The following SUPT3H variants were observed in gnomAD, a reference collection of about 807,000 sequenced individuals.
The protein encoded by SUPT3H is SPT3 homolog, SAGA and STAGA complex component, also known as transcription initiation protein SPT3 homolog.
SUPT3H carries 44 observed loss-of-function variants against 44.3 expected under a neutral mutation model. That is an observed-to-expected ratio of 0.99 (90% CI 0.78 to 1.28). The LOEUF is 1.28. SUPT3H is among the 50% of genes most tolerant of loss of function. The pLI, the probability that SUPT3H is intolerant of heterozygous loss-of-function variation, is 0.00. For synonymous variants in SUPT3H, 124 were observed against 125.6 expected (o/e 0.99, Z 0.09); for missense variants, 380 against 387.1 (o/e 0.98, Z 0.15).
intron 2 of SUPT3H, among the ~76,000 whole-genome samples, chr6:45,237,450 G>C (rs1197118302): frequency 1.3e-5 from 2 of 152,052 alleles, no homozygotes; most frequent in Admixed American, 6.6e-5. Context: ...TACAACAATG[G>C]GGAACACAAG....
At chr6:44,916,814 T>C (rs746681070) in intron 10 of SUPT3H, among the ~76,000 whole-genome samples, 1 of 152,152 alleles carries the variant, frequency 6.6e-6, no homozygotes, top group African/African-American at 2.4e-5. Flanking sequence ...AGCTTTGAAG[T>C]ATTATTACTG....
chr6:45,266,059 A>C (rs1342662176), intron 2 of SUPT3H, among the ~76,000 whole-genome samples: 3 of 152,070 alleles, frequency 2.0e-5, no homozygotes, highest in African/African-American at 7.2e-5. Context: ...TTTATTTTTA[A>C]TCAAAAAGTA....
chr6:45,083,376 G>C (rs1211719703), intron 3 of SUPT3H, among the ~76,000 whole-genome samples: 2 of 151,816 alleles, frequency 1.3e-5, no homozygotes, highest in Non-Finnish European at 2.9e-5. Context: ...ATTTTTAATA[G>C]AGACAGGGTT....
At chr6:44,868,194 C>T (rs1238243662) in intron 10 of SUPT3H, among the ~76,000 whole-genome samples, 3 of 152,132 alleles carry the variant, frequency 2.0e-5, no homozygotes, top group Non-Finnish European at 4.4e-5. Context: ...CTGTGAGTGC[C>T]CCCATAGCTG....
intron 3 of SUPT3H, among the ~76,000 whole-genome samples, chr6:45,041,272 AATG>A (rs1788494805): frequency 6.6e-6 from 1 of 152,222 alleles, no homozygotes; most frequent in Non-Finnish European, 1.5e-5. Flanking sequence ...TACATTAGAC[AATG>A]ATGTCAAGGA....
At chr6:44,822,290 T>A (rs1767382372), downstream of SUPT3H, among the ~76,000 whole-genome samples, 1 of 152,226 alleles carries the variant, frequency 6.6e-6, no homozygotes, top group Admixed American at 6.5e-5. Context: ...AGCTACTCTT[T>A]GGAGTAGCTT....
chr6:45,067,931 A>C (rs2153549073), intron 3 of SUPT3H, among the ~76,000 whole-genome samples: 1 of 144,572 alleles, frequency 6.9e-6, no homozygotes, highest in Middle Eastern at 3.6e-3. Flanking sequence ...TAGAACTAGA[A>C]ATACCATTTG....
chr6:44,901,487 G>T (rs1032011544), intron 10 of SUPT3H, among the ~76,000 whole-genome samples: 5 of 152,082 alleles, frequency 3.3e-5, no homozygotes, highest in African/African-American at 1.2e-4. Flanking sequence ...AGAATAAAAA[G>T]AAACGAACAA....
intron 2 of SUPT3H, among the ~76,000 whole-genome samples, chr6:45,193,387 A>C (rs1815466553): frequency 6.6e-6 from 1 of 152,146 alleles, no homozygotes; most frequent in South Asian, 2.1e-4. Flanking sequence ...TGACTTTTTA[A>C]AATCAAAGCT....
chr6:45,325,564 C>T (rs1030339263), intron 2 of SUPT3H, among the ~76,000 whole-genome samples: 2 of 151,638 alleles, frequency 1.3e-5, no homozygotes, highest in Non-Finnish European at 1.5e-5. Context: ...TACAGTATAC[C>T]TAAACTTGTT....
At chr6:45,214,759 A>C (rs1764750064) in intron 2 of SUPT3H, among the ~76,000 whole-genome samples, 1 of 152,158 alleles carries the variant, frequency 6.6e-6, no homozygotes, top group East Asian at 1.9e-4. Context: ...TAAGGGAGGA[A>C]GATCACTTGA....
Position 45,230,186 on chromosome 6 carries a change from C to T in SUPT3H, c.102-124180G>A, listed in dbSNP as rs572223512. ...TGTTAGATAAAATGACTTCCAGTTGCATTCACAGGATTCTGCAGTTAGTGG... is the reference window on the plus strand; with the variant it reads ...TGTTAGATAAAATGACTTCCAGTTGTATTCACAGGATTCTGCAGTTAGTGG... On this transcript the variant is annotated intron_variant, in intron 2 of 10. Coordinates refer to ENST00000371459, the MANE Select transcript of SUPT3H (RefSeq NM_003599.4). Among the ~76,000 whole-genome samples, 4 of 152,328 alleles carry T rather than the reference C, an allele frequency of 2.6e-5. No homozygotes were observed. The South Asian group carries it at 8.3e-4, about 32-fold the overall frequency.
At chr6:45,316,307 C>A (rs529649312) in intron 2 of SUPT3H, among the ~76,000 whole-genome samples, 2 of 151,764 alleles carry the variant, frequency 1.3e-5, no homozygotes, top group Admixed American at 1.3e-4. Flanking sequence ...ACCACCTGTA[C>A]TCCAATAACT....
At chr6:45,166,171 T>TG (rs1809806345) in intron 2 of SUPT3H, among the ~76,000 whole-genome samples, 1 of 152,156 alleles carries the variant, frequency 6.6e-6, no homozygotes, top group African/African-American at 2.4e-5. Context: ...CACACGCTTG[T>TG]GGTCCCAGCT....
At chr6:44,885,936 T>A (rs1312967730) in intron 10 of SUPT3H, among the ~76,000 whole-genome samples, 3 of 152,014 alleles carry the variant, frequency 2.0e-5, no homozygotes, top group Non-Finnish European at 4.4e-5. Flanking sequence ...CTGATGGAGC[T>A]GAAAGCCAAG....
intron 9 of SUPT3H, among the ~76,000 whole-genome samples, chr6:44,939,279 G>A (rs1305702821): frequency 1.3e-5 from 2 of 152,002 alleles, no homozygotes; most frequent in Non-Finnish European, 2.9e-5. Flanking sequence ...TATAATGCAG[G>A]GATGCTGAAT....
chr6:45,228,756 C>T (rs1011808805), intron 2 of SUPT3H, among the ~76,000 whole-genome samples: 2 of 151,962 alleles, frequency 1.3e-5, no homozygotes, highest in Non-Finnish European at 2.9e-5. Context: ...TCAGGTGATT[C>T]TCCTCCCAAA....
chr6:45,361,674 A>G (rs1317809560), intron 2 of SUPT3H: 1 of 152,218 alleles, frequency 6.6e-6, no homozygotes, highest in East Asian at 1.9e-4. Flanking sequence ...AAATGTGCTC[A>G]GTTATATGCA....
intron 3 of SUPT3H, among the ~76,000 whole-genome samples, chr6:45,047,968 T>C (rs1469421044): frequency 6.6e-6 from 1 of 152,050 alleles, no homozygotes; most frequent in African/African-American, 2.4e-5. Flanking sequence ...TTTATTCCAT[T>C]AACAATCAAA....
Sources: gnomAD v4.1 joint callset for allele counts (sites outside exome capture counted in the v4.1 genomes callset) on GRCh38, gnomAD v4.1.1 for gene constraint, MANE v1.5 for transcripts, NCBI Gene and HGNC (gene_info 2026-07-23, HGNC 2026-07-21) for gene names.